DNAH2: variants seen among roughly 807,000 people sequenced by gnomAD.
DNAH2 encodes the protein axonemal beta dynein heavy chain 2.
Under a neutral mutation model 523.5 loss-of-function variants are expected in DNAH2, and 323 were observed. The ratio of observed to expected loss-of-function variants is 0.62; its 90% CI spans 0.56 to 0.68. DNAH2 has a LOEUF of 0.68. Ranked by LOEUF, DNAH2 falls within the 30% of genes least tolerant of loss-of-function variation. DNAH2 has a pLI of 0.00. For synonymous variants in DNAH2, 2,093 were observed against 2,177.4 expected (o/e 0.96, Z 1.08); for missense variants, 4,907 against 5,701.5 (o/e 0.86, Z 4.49).
chr17:7,818,664 G>A lies in DNAH2; in HGVS notation c.10558G>A (p.Gly3520Ser), dbSNP rs778826863. The change falls in exon 70 of 86, where the codon GGC (glycine) becomes AGC (serine). Residue 3520 changes from glycine (G) to serine (S), a missense_variant. Coordinates refer to ENST00000572933, the MANE Select transcript of DNAH2 (RefSeq NM_020877.5). ...CCAGGGCCTGGAGGCCCAGCTGCTG[G>A]GCATTGTGGTGCGGAAGGAGCGGCC... ...KEQGLEAQLL[G>S]IVVRKERPEL... The A allele has an allele frequency of 1.9e-6, 3 of 1,614,016 alleles. No individual in the cohort carries two copies. Among genetic ancestry groups the A allele is most frequent in the East Asian group, 4.5e-5 (2 of 44,872 alleles).
chr17:7,791,952 G>A lies in DNAH2; in HGVS notation c.6936G>A (p.Met2312Ile), dbSNP rs775199036. Residue 2312 changes from methionine to isoleucine, a missense_variant, in exon 45 of 86, where the codon ATG becomes ATA. Transcript: ENST00000572933. ...CTGACGGCGAGAACTATGTCACCATGGTAGAGATGACATTTGTGTTCAGCA... is the reference window on the plus strand; with the variant it reads ...CTGACGGCGAGAACTATGTCACCATAGTAGAGATGACATTTGTGTTCAGCA... ...NPADGENYVT[M>I]VEMTFVFSMI... The A allele has an allele frequency of 7.4e-6, 12 of 1,613,892 alleles. No homozygotes were observed. In the South Asian group the frequency reaches 9.9e-5, roughly 13 times the overall value.
intron 63 of DNAH2, among the ~76,000 whole-genome samples, chr17:7,815,636 TCA>T (rs144845612): frequency 0.26 from 38,911 of 150,386 alleles, 5,854 homozygotes; most frequent in Middle Eastern, 0.36. Flanking sequence ...ATATACGGGA[TCA>T]CACACACGTA....
At chr17:7,787,603 T>G (rs116199400) in intron 42 of DNAH2, 5,675 of 391,490 alleles carry the variant, frequency 0.014, 134 homozygotes, top group African/African-American at 0.067. Flanking sequence ...GGGTGTGGTG[T>G]TGTGCACCTG....
rs1257196464 is a variant in DNAH2, at chr17:7,816,605, A to G, written c.9764A>G (p.Tyr3255Cys). Residue 3255 changes from tyrosine (Y) to cysteine (C), a missense_variant, in exon 64 of 86, where the codon TAT becomes TGT. Physicochemically the swap from Tyr to Cys is radical, Grantham distance 194 (BLOSUM62 -2). Transcript: ENST00000572933. ...AAACTGGAGATGCTAAAGAAACAGTATGATGAGAAGCTGGCACAGAAGGAG... is the reference window on the plus strand; with the variant it reads ...AAACTGGAGATGCTAAAGAAACAGTGTGATGAGAAGCTGGCACAGAAGGAG... ...AEKLEMLKKQ[Y>C]DEKLAQKEEL... The G allele has an allele frequency of 6.2e-7, 1 of 1,614,152 alleles. No homozygotes were observed.
chr17:7,744,622 G>A (rs2075461440), intron 12 of DNAH2, among the ~76,000 whole-genome samples: 1 of 152,190 alleles, frequency 6.6e-6, no homozygotes, highest in African/African-American at 2.4e-5. Context: ...AGAGGTTTGA[G>A]AAAAGGCTTC....
At position 7,805,410 on chromosome 17, in the gene DNAH2, G is replaced by T. The variant is rs745571473; in HGVS notation, c.9442+17G>T. The T allele has an allele frequency of 1.9e-6, 3 of 1,613,928 alleles. No individual in the cohort carries two copies. Among genetic ancestry groups the T allele is most frequent in the Non-Finnish European group, 2.5e-6 (3 of 1,179,982 alleles). ...GGCAGCTAGGTAAGCTAGAGACAAT[G>T]AAATCAATGACTTCCACTCACCCAG... is the stretch of plus-strand genomic sequence containing the variant. On this transcript the variant is annotated intron_variant, in intron 61 of 85. Transcript: ENST00000572933.
intron 2 of DNAH2, among the ~76,000 whole-genome samples, chr17:7,721,400 C>G (rs967915439): frequency 6.6e-6 from 1 of 152,182 alleles, no homozygotes; most frequent in Non-Finnish European, 1.5e-5. Context: ...TCTCGAACTC[C>G]TGTCCTCGAG....
chr17:7,778,012 C>G (rs1372400411), intron 33 of DNAH2, 65 bp from the exon 34 acceptor site: 5 of 1,428,052 alleles, frequency 3.5e-6, no homozygotes, highest in Non-Finnish European at 4.9e-6. Context: ...CACTCTCAGT[C>G]ATTGTCCCAG....
Position 7,719,734 on chromosome 17 carries a change from G to T in DNAH2, c.-1G>T. The T allele has an allele frequency of 6.2e-7, 1 of 1,614,196 alleles. No homozygotes were observed. Among genetic ancestry groups the T allele is most frequent in the Non-Finnish European group, 8.5e-7 (1 of 1,180,042 alleles). On this transcript the variant is annotated 5_prime_UTR_variant, in exon 2 of 86. Coordinates refer to ENST00000572933, the MANE Select transcript of DNAH2 (RefSeq NM_020877.5). ...GTATACCTGTAGGTTTTGCCTGCAC[G>T]ATGTCCAGCAAAGCTGAGAAGAAGC...
In DNAH2 at chr17:7,807,612, C is replaced by T. The variant is rs760456509; in HGVS notation, c.9729+26C>T. The T allele has an allele frequency of 3.1e-6, 5 of 1,590,034 alleles. No individual in the cohort carries two copies. In the Admixed American group the frequency reaches 6.7e-5, roughly 21 times the overall value. On this transcript the variant is annotated intron_variant, in intron 63 of 85. Coordinates refer to ENST00000572933, the MANE Select transcript of DNAH2 (RefSeq NM_020877.5). The surrounding 1 kb of genome is among the most constrained non-coding windows in gnomAD (Gnocchi z 5.6). ...GTGAGCTGATCGCCTGTCCTTTCCACGGAGGTCCCTCTCCCTGAGTTCTGG... is the reference window on the plus strand; with the variant it reads ...GTGAGCTGATCGCCTGTCCTTTCCATGGAGGTCCCTCTCCCTGAGTTCTGG...
intron 11 of DNAH2, 100 bp from the exon 12 acceptor site, chr17:7,742,828 G>A: frequency 1.4e-6 from 1 of 730,358 alleles, no homozygotes; most frequent in African/African-American, 1.9e-5. Context: ...CATATTGTTG[G>A]GGTATGTGCG....
At position 7,798,538 on chromosome 17, in the gene DNAH2, T is replaced by A; in HGVS notation, c.8399-20T>A. 4 of 1,613,112 alleles carry A rather than the reference T, an allele frequency of 2.5e-6. No homozygotes were observed. The highest frequency in any genetic ancestry group is 3.4e-6 in the Non-Finnish European group (4 of 1,179,678). ...TGGGGAATCTGCAGTGAGTTTGTCC[T>A]CCTTCCCTCCCCCGGCCAGATATCA... is the stretch of plus-strand genomic sequence containing the variant. On this transcript the variant is annotated intron_variant, in intron 54 of 85. Transcript: ENST00000572933. This position sits in a 1 kb window ranked among gnomAD's most constrained non-coding sequence, Gnocchi z 5.5.
At chr17:7,801,745 T>C (rs1262165469) in intron 57 of DNAH2, 35 bp downstream of exon 57, 1 of 1,612,370 alleles carries the variant, frequency 6.2e-7, no homozygotes, top group Admixed American at 1.7e-5. Flanking sequence ...ATTGCATCCC[T>C]GGCCTCCCTC....
chr17:7,818,293 G>A lies in DNAH2; in HGVS notation c.10388-19G>A. 6.2e-7 allele frequency: 1 copy of A among 1,613,294 alleles called. No individual in the cohort carries two copies. Among genetic ancestry groups the A allele is most frequent in the South Asian group, 1.1e-5 (1 of 90,992 alleles). ...CCCATCACATGGAGTCCTTGCCCCT[G>A]ACCCTTCCGTGGATGCAGGTGGTCG... On this transcript the variant is annotated intron_variant, in intron 68 of 85. Transcript: ENST00000572933.
rs557782089 is a variant in DNAH2, at chr17:7,795,940, T to TATAA, written c.7675-504_7675-501dup. Among the ~76,000 whole-genome samples, 1,066 of 147,180 alleles carry TATAA rather than the reference T, an allele frequency of 7.2e-3. 4 individuals are homozygous for TATAA. The highest frequency in any genetic ancestry group is 0.01 in the African/African-American group (421 of 40,622). ...TGAACCCGGGAGGCGGAAGTTGCAG[T>TATAA]ATAAATAAATAAATAAATAAATATA... On this transcript the variant is annotated intron_variant, in intron 49 of 85. Transcript: ENST00000572933.
intron 77 of DNAH2, among the ~76,000 whole-genome samples, chr17:7,829,517 C>T (rs2151348807): frequency 6.6e-6 from 1 of 152,312 alleles, no homozygotes; most frequent in Non-Finnish European, 1.5e-5. Flanking sequence ...TAGTTCAAAT[C>T]CCAGCTTGCT....
At chr17:7,825,703 T>G (rs984014490) in intron 77 of DNAH2, among the ~76,000 whole-genome samples, 2 of 152,210 alleles carry the variant, frequency 1.3e-5, no homozygotes, top group Non-Finnish European at 2.9e-5. Flanking sequence ...TCACAAGTTG[T>G]TGGAGAAATT....
At chr17:7,783,015 G>C (rs968735318) in intron 39 of DNAH2, among the ~76,000 whole-genome samples, 3 of 152,218 alleles carry the variant, frequency 2.0e-5, no homozygotes, top group Non-Finnish European at 4.4e-5. Context: ...ACTGGGCAAA[G>C]AGAGAAGCCA....
chr17:7,743,133 A>G lies in DNAH2; in HGVS notation c.1895A>G (p.Asn632Ser), dbSNP rs1226569513. The change falls in exon 12 of 86, where the codon AAC (asparagine) becomes AGC (serine). Residue 632 changes from asparagine (N) to serine (S), a missense_variant. By Grantham distance (46) the Asn-to-Ser change is conservative (BLOSUM62 1). Coordinates refer to ENST00000572933, the MANE Select transcript of DNAH2 (RefSeq NM_020877.5). ...SQEKAGMLDV[N>S]FDKSLLILFA... ...GAGAAGGCGGGCATGCTGGATGTCA[A>G]CTTTGACAAGTACAGGAGCCACCTG... The G allele has an allele frequency of 1.9e-6, 3 of 1,589,042 alleles. No individual in the cohort carries two copies. The highest frequency in any genetic ancestry group is 2.6e-6 in the Non-Finnish European group (3 of 1,172,144).
Sources: gnomAD v4.1 joint callset for allele counts (sites outside exome capture counted in the v4.1 genomes callset) on GRCh38, gnomAD v4.1.1 for gene constraint, Gnocchi (gnomAD v3.1) non-coding constraint, MANE v1.5 for transcripts, NCBI Gene and HGNC (gene_info 2026-07-23, HGNC 2026-07-21) for gene names.